Variants in MBD5 observed in about 807,000 individuals in gnomAD.
The protein encoded by MBD5 is methyl-CpG binding domain protein 5, also known as methyl-CpG-binding domain protein 5.
In MBD5, 13 loss-of-function variants were observed where a neutral mutation model predicts 117.3. The ratio of observed to expected loss-of-function variants is 0.11; its 90% CI spans 0.07 to 0.18. MBD5 has a LOEUF of 0.18. Among genes scored for constraint, MBD5 ranks in the 10% least tolerant of loss-of-function variants. MBD5 has a pLI of 1.00. For synonymous variants in MBD5, 727 were observed against 766.4 expected (o/e 0.95, Z 0.85); for missense variants, 1,879 against 2,093.8 (o/e 0.90, Z 2.00).
chr2:148,229,236 T>G (rs1391919014), intron 2 of MBD5, among the ~76,000 whole-genome samples: 2 of 152,130 alleles, frequency 1.3e-5, no homozygotes, highest in Non-Finnish European at 2.9e-5. Flanking sequence ...TTCAAGCTCA[T>G]TAATTCTTTA....
chr2:148,071,276 ATGTGTGTGTGTGTGTGTGTGTG>A (rs35621899), intron 1 of MBD5: 50 of 109,706 alleles, frequency 4.6e-4, no homozygotes, highest in Middle Eastern at 0.011. Context: ...ATATCTGTAT[ATGTGTGTGTGTGTGTGTGTGTG>A]TGTGTGTGTG....
intron 4 of MBD5, among the ~76,000 whole-genome samples, chr2:148,424,711 G>A (rs1705721191): frequency 6.6e-6 from 1 of 152,142 alleles, no homozygotes; most frequent in Non-Finnish European, 1.5e-5. Context: ...AATCAAATTG[G>A]AACTCAGGAT....
chr2:148,450,934 TTGACTC>T (rs1409218913), intron 4 of MBD5, among the ~76,000 whole-genome samples: 2 of 152,196 alleles, frequency 1.3e-5, no homozygotes, highest in Non-Finnish European at 2.9e-5. Flanking sequence ...GGCTGCTACT[TTGACTC>T]TGAGGACTGG....
At chr2:148,092,631 T>G (rs1024152338) in intron 1 of MBD5, among the ~76,000 whole-genome samples, 2 of 152,054 alleles carry the variant, frequency 1.3e-5, no homozygotes, top group African/African-American at 4.8e-5. Context: ...TGCAAATGCA[T>G]AAGAATAATA....
intron 3 of MBD5, among the ~76,000 whole-genome samples, chr2:148,310,786 C>T (rs1325512619): frequency 6.6e-6 from 1 of 151,994 alleles, no homozygotes. Flanking sequence ...GGCATTTGGT[C>T]CTATAAATTT....
At chr2:148,445,741 ACAGTCC>A (rs1413654576) in intron 4 of MBD5, among the ~76,000 whole-genome samples, 4 of 151,384 alleles carry the variant, frequency 2.6e-5, no homozygotes, top group Non-Finnish European at 4.4e-5. Context: ...GAACTAGTTT[ACAGTCC>A]CACCAACAGT....
At chr2:148,141,437 A>G (rs952936600) in intron 1 of MBD5, among the ~76,000 whole-genome samples, 4 of 152,226 alleles carry the variant, frequency 2.6e-5, no homozygotes, top group African/African-American at 9.6e-5. Flanking sequence ...TAAATGTCCA[A>G]CAATTCATTC....
chr2:148,196,695 G>T (rs997738179), intron 2 of MBD5, among the ~76,000 whole-genome samples: 1 of 152,108 alleles, frequency 6.6e-6, no homozygotes, highest in Non-Finnish European at 1.5e-5. Flanking sequence ...TACCAAATGG[G>T]AAATCCGTGA....
chr2:148,231,628 C>T (rs1699988826), intron 2 of MBD5, among the ~76,000 whole-genome samples: 1 of 151,886 alleles, frequency 6.6e-6, no homozygotes, highest in Admixed American at 6.6e-5. Context: ...GCCATCTTGC[C>T]CTGCTTCAAG....
intron 1 of MBD5, among the ~76,000 whole-genome samples, chr2:148,143,546 T>A (rs958031320): frequency 2.0e-5 from 3 of 152,222 alleles, no homozygotes; most frequent in Non-Finnish European, 4.4e-5. Flanking sequence ...TACATACATA[T>A]GTATATGCCA....
chr2:148,183,478 C>T (rs551394194), intron 2 of MBD5, among the ~76,000 whole-genome samples: 3 of 151,738 alleles, frequency 2.0e-5, no homozygotes, highest in African/African-American at 7.2e-5. Flanking sequence ...AAGTTTTTCC[C>T]ACACTTTGAA....
chr2:148,207,142 A>G (rs2105987562), intron 2 of MBD5, among the ~76,000 whole-genome samples: 1 of 152,336 alleles, frequency 6.6e-6, no homozygotes, highest in South Asian at 2.1e-4. Flanking sequence ...AAGGAGGTAC[A>G]GGACCACGTA....
chr2:148,429,803 A>C (rs1705928122), intron 4 of MBD5, among the ~76,000 whole-genome samples: 1 of 152,114 alleles, frequency 6.6e-6, no homozygotes, highest in Non-Finnish European at 1.5e-5. Context: ...CAATGAAAAC[A>C]CATGGTCAGA....
intron 1 of MBD5, among the ~76,000 whole-genome samples, chr2:148,139,836 A>G (rs995558110): frequency 6.6e-6 from 1 of 152,170 alleles, no homozygotes; most frequent in East Asian, 1.9e-4. Flanking sequence ...GTGGGCCCCA[A>G]CATATCCTGT....
intron 5 of MBD5, among the ~76,000 whole-genome samples, chr2:148,462,130 T>G (rs983643297): frequency 6.6e-6 from 1 of 152,204 alleles, no homozygotes; most frequent in African/African-American, 2.4e-5. Flanking sequence ...TCACTCCAAC[T>G]TTTGTGGACT....
At chr2:148,448,361 T>C (rs999640281) in intron 4 of MBD5, among the ~76,000 whole-genome samples, 2 of 151,978 alleles carry the variant, frequency 1.3e-5, no homozygotes, top group Non-Finnish European at 2.9e-5. Flanking sequence ...GCTGGAGAGA[T>C]TGACTGGACT....
intron 3 of MBD5, among the ~76,000 whole-genome samples, chr2:148,310,095 C>T (rs1701993266): frequency 6.6e-6 from 1 of 152,044 alleles, no homozygotes; most frequent in Non-Finnish European, 1.5e-5. Context: ...GGGATATTGG[C>T]CTGAAATTTT....
intron 8 of MBD5, among the ~76,000 whole-genome samples, chr2:148,480,412 T>C (rs1475360550): frequency 6.6e-6 from 1 of 152,140 alleles, no homozygotes; most frequent in Admixed American, 6.5e-5. Context: ...ATGTACACTC[T>C]AGAGCATTTT....
chr2:148,275,552 G>C (rs906393829), intron 3 of MBD5, among the ~76,000 whole-genome samples: 9 of 152,160 alleles, frequency 5.9e-5, no homozygotes, highest in East Asian at 1.9e-4. Context: ...CTTCACAGGA[G>C]ACCTCACTCT....
Sources: allele counts gnomAD v4.1 joint callset (sites outside exome capture counted in the v4.1 genomes callset), GRCh38; gene constraint gnomAD v4.1.1; transcripts MANE v1.5; gene names NCBI Gene and HGNC (gene_info 2026-07-23, HGNC 2026-07-21).